WASHC5: variants seen among roughly 807,000 people sequenced by gnomAD.
The protein encoded by WASHC5 is WASH complex subunit 5, also known as WASH complex subunit strumpellin.
WASHC5 carries 101 observed loss-of-function variants against 150.4 expected under a neutral mutation model. That is an observed-to-expected ratio of 0.67 (90% CI 0.57 to 0.79). WASHC5 has a LOEUF of 0.79. Ranked by LOEUF, WASHC5 falls within the 30% of genes least tolerant of loss-of-function variation. WASHC5 has a pLI of 0.00. For synonymous variants in WASHC5, 467 were observed against 491.2 expected (o/e 0.95, Z 0.65); for missense variants, 1,195 against 1,396.3 (o/e 0.86, Z 2.30).
intron 5 of WASHC5, among the ~76,000 whole-genome samples, chr8:125,081,375 T>C (rs1016733677): frequency 1.3e-5 from 2 of 151,738 alleles, no homozygotes; most frequent in Non-Finnish European, 1.5e-5. Flanking sequence ...GTACCTGGAA[T>C]TACAGGCGCC....
intron 20 of WASHC5, among the ~76,000 whole-genome samples, chr8:125,045,347 C>T (rs1377717096): frequency 1.3e-5 from 2 of 152,194 alleles, no homozygotes; most frequent in Non-Finnish European, 2.9e-5. Context: ...ATTTCATCCT[C>T]ATAATAGCTC....
intron 26 of WASHC5, among the ~76,000 whole-genome samples, chr8:125,035,430 T>C (rs1298509505): frequency 1.3e-5 from 2 of 152,270 alleles, no homozygotes; most frequent in Admixed American, 1.3e-4. Context: ...TCAAGAATCA[T>C]ATATTCCTAT....
At chr8:125,046,331 A>G (rs964804871) in intron 20 of WASHC5, among the ~76,000 whole-genome samples, 2 of 152,220 alleles carry the variant, frequency 1.3e-5, no homozygotes, top group African/African-American at 2.4e-5. Flanking sequence ...TGGACTTACT[A>G]GAGGCAGCAT....
chr8:125,078,923 G>C lies in WASHC5; in HGVS notation c.526C>G (p.Arg176Gly). 6.2e-7 allele frequency: 1 copy of C among 1,613,226 alleles called. No individual in the cohort carries two copies. The highest frequency in any genetic ancestry group is 8.5e-7 in the Non-Finnish European group (1 of 1,179,564). ...LVSYYRYSAA[R>G]SSADSNMDDI... ...TCCATATTTGAATCAGCAGAAGATC[G>C]AGCAGCACTGAGTCATATTCACAAT... The change falls in exon 6 of 29, where the codon CGA becomes GGA. Residue 176 changes from arginine to glycine, a missense_variant. Coordinates refer to ENST00000318410, the MANE Select transcript of WASHC5 (RefSeq NM_014846.4).
At chr8:125,040,219 CT>C (rs1815846807) in intron 23 of WASHC5, among the ~76,000 whole-genome samples, 1 of 152,110 alleles carries the variant, frequency 6.6e-6, no homozygotes, top group African/African-American at 2.4e-5. Flanking sequence ...TATTTTTAAC[CT>C]TTTGGAATAA....
In WASHC5 at chr8:125,043,933, T is replaced by C. The variant is rs746082942; in HGVS notation, c.2771-29A>G. 1.3e-5 allele frequency: 20 copies of C among 1,597,616 alleles called. No homozygotes were observed. The East Asian group carries it at 1.3e-4, about 11-fold the overall frequency. On this transcript the variant is annotated intron_variant, in intron 22 of 28. Transcript: ENST00000318410. Reference sequence around the variant, plus strand: ...AAAAGTTAAAACATAATTTTCTCTTTAGTACATTCGTAAAGGCTACAGTGT... The same window carrying C: ...AAAAGTTAAAACATAATTTTCTCTTCAGTACATTCGTAAAGGCTACAGTGT...
At chr8:125,048,681 T>G (rs1457865325) in intron 19 of WASHC5, among the ~76,000 whole-genome samples, 3 of 152,232 alleles carry the variant, frequency 2.0e-5, no homozygotes, top group African/African-American at 7.2e-5. Context: ...GTCCTAGTAA[T>G]TCCACTCCTC....
At chr8:125,075,729 C>T (rs1817040045) in intron 7 of WASHC5, among the ~76,000 whole-genome samples, 2 of 152,176 alleles carry the variant, frequency 1.3e-5, no homozygotes, top group Non-Finnish European at 2.9e-5. Context: ...TGTGATTCAA[C>T]AGCCGATATA....
chr8:125,065,198 G>A (rs1816710991), intron 10 of WASHC5, among the ~76,000 whole-genome samples: 1 of 152,184 alleles, frequency 6.6e-6, no homozygotes, highest in African/African-American at 2.4e-5. Flanking sequence ...GTGTCTATAG[G>A]ATAGTCAGAA....
intron 24 of WASHC5, 127 bp downstream of exon 24, chr8:125,039,668 A>T: frequency 1.4e-6 from 1 of 707,550 alleles, no homozygotes; most frequent in Middle Eastern, 3.4e-4. Flanking sequence ...ATCCGTGGCA[A>T]GGAAGCCTGT....
At chr8:125,075,404 T>C (rs1411589491) in intron 7 of WASHC5, among the ~76,000 whole-genome samples, 1 of 149,428 alleles carries the variant, frequency 6.7e-6, no homozygotes, top group Admixed American at 6.6e-5. Context: ...TGGTTGGCAA[T>C]TGCCTGGGAT....
chr8:125,070,996 T>C (rs1184284969), intron 9 of WASHC5, among the ~76,000 whole-genome samples: 1 of 152,230 alleles, frequency 6.6e-6, no homozygotes, highest in Non-Finnish European at 1.5e-5. Flanking sequence ...AGACAGGGGC[T>C]ACCATGTTAC....
Position 125,073,310 on chromosome 8 carries a change from A to T in WASHC5, c.993T>A (p.Ala331=). Residue 331 remains alanine (A), a synonymous_variant, in exon 9 of 29, where the codon GCT becomes GCA. Transcript: ENST00000318410. ...SNVREQASRY[A]TVSERVHAQV... is the part of the protein sequence containing the mutation. ...GAGCATGCACTCTTTCACTGACAGT[A>T]GCATATCTGCTTGCCTTGACAAATA... is the stretch of plus-strand genomic sequence containing the variant. 6.2e-7 allele frequency: 1 copy of T among 1,613,870 alleles called. No individual in the cohort carries two copies. The highest frequency in any genetic ancestry group is 1.7e-5 in the Admixed American group (1 of 60,012).
At chr8:125,069,555 T>C (rs571104744) in intron 9 of WASHC5, among the ~76,000 whole-genome samples, 1 of 152,320 alleles carries the variant, frequency 6.6e-6, no homozygotes, top group African/African-American at 2.4e-5. Flanking sequence ...CAATGTTGTA[T>C]AGATATATGT....
chr8:125,081,308 G>A (rs889366193), intron 5 of WASHC5, among the ~76,000 whole-genome samples: 8 of 142,078 alleles, frequency 5.6e-5, no homozygotes, highest in Non-Finnish European at 1.2e-4. Context: ...CATGATCTTC[G>A]CTCACTGCAA....
Position 125,028,692 on chromosome 8 carries a change from T to G in WASHC5, c.3351A>C (p.Glu1117Asp), listed in dbSNP as rs762446460. 1 of 1,613,516 alleles carries G rather than the reference T, an allele frequency of 6.2e-7. No individual in the cohort carries two copies. Among genetic ancestry groups the G allele is most frequent in the Non-Finnish European group, 8.5e-7 (1 of 1,179,466 alleles). ...VEQCTSQKIP[E>D]IPADVVGALL... Reference sequence around the variant, plus strand: ...GGGCACCCACAACATCTGCAGGAATTTCAGGTATCTTCTGGCTGTGATAGA... The same window carrying G: ...GGGCACCCACAACATCTGCAGGAATGTCAGGTATCTTCTGGCTGTGATAGA... The change falls in exon 28 of 29, where the codon GAA (glutamate) becomes GAC (aspartate). Residue 1117 changes from glutamate to aspartate, a missense_variant. Physicochemically the swap from Glu to Asp is conservative, Grantham distance 45. This residue lies in a region of WASHC5 where 997 missense variants were observed against 1,168.1 expected (regional missense o/e 0.85). Coordinates refer to ENST00000318410, the MANE Select transcript of WASHC5 (RefSeq NM_014846.4).
At chr8:125,071,734 C>T (rs1398564623) in intron 9 of WASHC5, among the ~76,000 whole-genome samples, 1 of 152,126 alleles carries the variant, frequency 6.6e-6, no homozygotes, top group Non-Finnish European at 1.5e-5. Flanking sequence ...ATTAGTTTCC[C>T]GCTGCTGCTT....
At chr8:125,035,203 G>A (rs1178831845) in intron 26 of WASHC5, among the ~76,000 whole-genome samples, 1 of 152,148 alleles carries the variant, frequency 6.6e-6, no homozygotes, top group East Asian at 1.9e-4. Flanking sequence ...ATTATAGTCA[G>A]TTATAAACAC....
At chr8:125,064,014 GT>G (rs1181033005) in intron 10 of WASHC5, among the ~76,000 whole-genome samples, 1 of 152,144 alleles carries the variant, frequency 6.6e-6, no homozygotes, top group Non-Finnish European at 1.5e-5. Context: ...CTGCTCTATG[GT>G]TCCTTCTAGG....
Sources: allele counts gnomAD v4.1 joint callset (sites outside exome capture counted in the v4.1 genomes callset), GRCh38; gene constraint gnomAD v4.1.1; regional missense constraint gnomAD v4.1.1; transcripts MANE v1.5; gene names NCBI Gene and HGNC (gene_info 2026-07-23, HGNC 2026-07-21).